PRKAG2: variants seen among roughly 807,000 people sequenced by gnomAD.
The protein encoded by PRKAG2 is 5'-AMP-activated protein kinase subunit gamma-2.
PRKAG2 carries 26 observed loss-of-function variants against 69.6 expected under a neutral mutation model. The observed-to-expected ratio is 0.37, with a 90% confidence interval of 0.27 to 0.52. PRKAG2 has a LOEUF of 0.52. PRKAG2 is among the 20% of genes least tolerant of loss of function. The pLI is 0.90. For missense variants in PRKAG2, 557 were observed against 740.0 expected (o/e 0.75, Z 2.87); for synonymous variants, 293 against 285.0 (o/e 1.03, Z -0.28).
intron 5 of PRKAG2, among the ~76,000 whole-genome samples, chr7:151,622,094 T>C (rs2151278145): frequency 6.6e-6 from 1 of 152,282 alleles, no homozygotes; most frequent in South Asian, 2.1e-4. Flanking sequence ...CAGTAGACTT[T>C]AGGAGGGAAG....
intron 3 of PRKAG2, among the ~76,000 whole-genome samples, chr7:151,712,115 G>A (rs1285806686): frequency 2.0e-5 from 3 of 152,226 alleles, no homozygotes; most frequent in African/African-American, 4.8e-5. Context: ...GCCTTCCTCC[G>A]CGGCGCGTAC....
At chr7:151,635,388 T>G (rs1427690754) in intron 4 of PRKAG2, among the ~76,000 whole-genome samples, 2 of 152,234 alleles carry the variant, frequency 1.3e-5, no homozygotes, top group Non-Finnish European at 2.9e-5. Flanking sequence ...AACTTGTACA[T>G]GAATATTCAT....
intron 1 of PRKAG2, among the ~76,000 whole-genome samples, chr7:151,858,324 T>C (rs2079836005): frequency 6.6e-6 from 1 of 152,192 alleles, no homozygotes; most frequent in African/African-American, 2.4e-5. Flanking sequence ...GCTGGCCCAT[T>C]GAAGAGCCCA....
At chr7:151,645,757 T>C (rs977891932) in intron 4 of PRKAG2, among the ~76,000 whole-genome samples, 1 of 152,216 alleles carries the variant, frequency 6.6e-6, no homozygotes, top group Non-Finnish European at 1.5e-5. Context: ...GCTTTTTCTG[T>C]CCTAGCTAAG....
chr7:151,729,790 C>A (rs1018812500), intron 3 of PRKAG2, among the ~76,000 whole-genome samples: 1 of 152,138 alleles, frequency 6.6e-6, no homozygotes, highest in African/African-American at 2.4e-5. Context: ...CTCCAGCTCT[C>A]GGAAGGGTCT....
intron 4 of PRKAG2, among the ~76,000 whole-genome samples, chr7:151,633,481 A>T (rs993106393): frequency 6.6e-6 from 1 of 151,568 alleles, no homozygotes; most frequent in African/African-American, 2.4e-5. Flanking sequence ...TGTAGATAAC[A>T]TGTTATCTAC....
At position 151,632,296 on chromosome 7, in the gene PRKAG2, G is replaced by C; in HGVS notation, c.685-158C>G. On this transcript the variant is annotated intron_variant, in intron 4 of 15. Coordinates refer to ENST00000287878, the MANE Select transcript of PRKAG2 (RefSeq NM_016203.4). This position sits in a 1 kb window ranked among gnomAD's most constrained non-coding sequence, Gnocchi z 4.2. The stretch of plus-strand genomic sequence containing the variant: ...GGGCAGCGGGGGCCGGGGGCGGAGC[G>C]GGAGCGCTGCCCCCACCCGCCCGAG... 2.1e-6 allele frequency: 2 copies of C among 938,322 alleles called. No individual in the cohort carries two copies. Among genetic ancestry groups the C allele is most frequent in the Non-Finnish European group, 2.5e-6 (2 of 787,776 alleles). 58.1% of individuals were successfully genotyped at this position (938,322 alleles called of 1,614,324 possible). A position where few individuals can be genotyped will look rare whatever the true frequency, so the allele number is the denominator to read the frequency against.
At chr7:151,718,553 C>T (rs575818195) in intron 3 of PRKAG2, among the ~76,000 whole-genome samples, 184 of 147,720 alleles carry the variant, frequency 1.2e-3, no homozygotes, top group African/African-American at 4.3e-3. Flanking sequence ...GGGCTCCTCT[C>T]GGAAACCCAC....
At chr7:151,830,680 G>A (rs956304430) in intron 1 of PRKAG2, among the ~76,000 whole-genome samples, 1 of 151,282 alleles carries the variant, frequency 6.6e-6, no homozygotes, top group Non-Finnish European at 1.5e-5. Context: ...AGAGGAACCA[G>A]AGCCTGGCCT....
At chr7:151,573,462 G>A (rs1808185126) in intron 8 of PRKAG2, among the ~76,000 whole-genome samples, 1 of 148,798 alleles carries the variant, frequency 6.7e-6, no homozygotes, top group Admixed American at 6.9e-5. Flanking sequence ...CTACAGGCGT[G>A]AGCCACTGTG....
intron 1 of PRKAG2, among the ~76,000 whole-genome samples, chr7:151,869,240 C>G (rs549395126): frequency 6.6e-6 from 1 of 152,306 alleles, no homozygotes; most frequent in East Asian, 1.9e-4. Context: ...AGTACTCGAG[C>G]TGGGAAATCA....
At chr7:151,871,254 C>T (rs1001897716) in intron 1 of PRKAG2, among the ~76,000 whole-genome samples, 1 of 152,252 alleles carries the variant, frequency 6.6e-6, no homozygotes, top group Admixed American at 6.5e-5. Context: ...CAGAACACCA[C>T]GCACAGCTAC....
chr7:151,560,587 C>A lies in PRKAG2; in HGVS notation c.1615G>T (p.Asp539Tyr). The change falls in exon 15 of 16, where the codon GAT (aspartate) becomes TAT (tyrosine). Residue 539 changes from aspartate (D) to tyrosine (Y), a missense_variant. Transcript: ENST00000287878. Reference sequence around the variant, plus strand: ...AGGGAAATAATACCCACAATACTATCTGCTTCATTTACCACCACCAGCCGA... The same window carrying A: ...AGGGAAATAATACCCACAATACTATATGCTTCATTTACCACCACCAGCCGA... ...VHRLVVVNEA[D>Y]SIVGIISLSD... 1 of 1,614,044 alleles carries A rather than the reference C, an allele frequency of 6.2e-7. No individual in the cohort carries two copies. Among genetic ancestry groups the A allele is most frequent in the Non-Finnish European group, 8.5e-7 (1 of 1,179,898 alleles).
At chr7:151,863,855 G>A (rs2079995218) in intron 1 of PRKAG2, among the ~76,000 whole-genome samples, 1 of 150,990 alleles carries the variant, frequency 6.6e-6, no homozygotes, top group East Asian at 2.0e-4. Flanking sequence ...AGGCAGCAGT[G>A]TTCGCACCAC....
At chr7:151,595,194 A>T (rs1329112466) in intron 6 of PRKAG2, 151 bp downstream of exon 6, 1 of 638,558 alleles carries the variant, frequency 1.6e-6, no homozygotes, top group Non-Finnish European at 2.8e-6. Context: ...GGTTGCCAAG[A>T]TGTTGAGAAT....
chr7:151,572,749 C>A (rs1807883586), intron 8 of PRKAG2, 40 bp from the exon 9 acceptor site: 2 of 1,183,904 alleles, frequency 1.7e-6, no homozygotes, highest in Non-Finnish European at 2.4e-6. Context: ...TATACATATA[C>A]AACATAGAAA....
At chr7:151,611,465 G>T (rs926363399) in intron 5 of PRKAG2, among the ~76,000 whole-genome samples, 1 of 152,216 alleles carries the variant, frequency 6.6e-6, no homozygotes. Flanking sequence ...GTCTTCTAGG[G>T]ACTTGGTGAT....
Position 151,750,034 on chromosome 7 carries a change from T to C in PRKAG2, c.466+31118A>G, listed in dbSNP as rs1424450248. On this transcript the variant is annotated intron_variant, in intron 3 of 15. Coordinates refer to ENST00000287878, the MANE Select transcript of PRKAG2 (RefSeq NM_016203.4). ...ATTGCTTGAACCTGGGAAGCAGAGG[T>C]TGTAGTGAGCCGAGATGGTGCCACT... is the stretch of plus-strand genomic sequence containing the variant. Among the ~76,000 whole-genome samples the C allele has an allele frequency of 5.4e-5, 8 of 147,738 alleles. No homozygotes were observed. The East Asian group carries it at 1.6e-3, about 29-fold the overall frequency.
chr7:151,761,779 G>A lies in PRKAG2; in HGVS notation c.466+19373C>T, dbSNP rs140167765. Among the ~76,000 whole-genome samples the A allele has an allele frequency of 1.2e-3, 185 of 152,324 alleles. 1 individual carries two copies. Among genetic ancestry groups the A allele is most frequent in the African/African-American group, 3.8e-3 (158 of 41,568 alleles). ...GGACCCATCGGGCAATGACATTGGT[G>A]CTGCCAACTGCGTGGAGAATCACCT... On this transcript the variant is annotated intron_variant, in intron 3 of 15. Coordinates refer to ENST00000287878, the MANE Select transcript of PRKAG2 (RefSeq NM_016203.4).
Sources: gnomAD v4.1 joint callset for allele counts (sites outside exome capture counted in the v4.1 genomes callset) on GRCh38, gnomAD v4.1.1 for gene constraint, Gnocchi (gnomAD v3.1) non-coding constraint, MANE v1.5 for transcripts, NCBI Gene and HGNC (gene_info 2026-07-23, HGNC 2026-07-21) for gene names.